CNIH3: variants seen among roughly 807,000 people sequenced by gnomAD.
The protein encoded by CNIH3 is cornichon family AMPA receptor auxiliary protein 3.
Under a neutral mutation model 24.1 loss-of-function variants are expected in CNIH3, and 14 were observed. The observed-to-expected ratio is 0.58, with a 90% CI of 0.38 to 0.91. CNIH3 has a LOEUF of 0.91. Among genes scored for constraint, CNIH3 ranks in the 40% least tolerant of loss-of-function variants. The pLI is 0.00. For missense variants in CNIH3, 178 were observed against 196.8 expected (o/e 0.90, Z 0.57); for synonymous variants, 68 against 73.8 (o/e 0.92, Z 0.40).
intron 3 of CNIH3, among the ~76,000 whole-genome samples, chr1:224,564,608 GC>G (rs1680506249): frequency 6.6e-6 from 1 of 152,208 alleles, no homozygotes; most frequent in African/African-American, 2.4e-5. Flanking sequence ...GACCAGAAGG[GC>G]TGACGATACT....
intron 3 of CNIH3, among the ~76,000 whole-genome samples, chr1:224,607,786 C>T (rs1240667333): frequency 6.6e-6 from 1 of 152,156 alleles, no homozygotes; most frequent in African/African-American, 2.4e-5. Context: ...GCTATCTATT[C>T]AGGAAGAAAA....
At chr1:224,716,727 G>A (rs1572795882) in intron 3 of CNIH3, among the ~76,000 whole-genome samples, 1 of 152,256 alleles carries the variant, frequency 6.6e-6, no homozygotes, top group East Asian at 1.9e-4. Context: ...GGGAACTGTG[G>A]GGTGAGGAGG....
chr1:224,474,459 A>G (rs1676489219), intron 1 of CNIH3, among the ~76,000 whole-genome samples: 1 of 152,082 alleles, frequency 6.6e-6, no homozygotes, highest in Non-Finnish European at 1.5e-5. Flanking sequence ...TACATCAAAA[A>G]AGGGAAGTTT....
At chr1:224,479,446 G>T (rs1222788707) in intron 1 of CNIH3, among the ~76,000 whole-genome samples, 4 of 151,298 alleles carry the variant, frequency 2.6e-5, no homozygotes, top group African/African-American at 7.3e-5. Context: ...GAGCCACTGC[G>T]CCCGGCAGTC....
intron 1 of CNIH3, among the ~76,000 whole-genome samples, chr1:224,461,979 T>C (rs1675930527): frequency 6.6e-6 from 1 of 152,172 alleles, no homozygotes; most frequent in South Asian, 2.1e-4. Context: ...TATCAGTACT[T>C]CTTTCCTTTT....
chr1:224,644,521 T>C (rs931821445), intron 1 of CNIH3, among the ~76,000 whole-genome samples: 1 of 152,192 alleles, frequency 6.6e-6, no homozygotes, highest in African/African-American at 2.4e-5. Context: ...ATGCCTGGCA[T>C]GCAGCAGGAT....
chr1:224,567,762 A>G (rs957012069), intron 4 of CNIH3, among the ~76,000 whole-genome samples: 2 of 152,166 alleles, frequency 1.3e-5, no homozygotes, highest in African/African-American at 4.8e-5. Context: ...ATAACCACCC[A>G]GGTAGAAATC....
chr1:224,680,680 G>C (rs1049425638), intron 1 of CNIH3, among the ~76,000 whole-genome samples: 1 of 152,156 alleles, frequency 6.6e-6, no homozygotes, highest in African/African-American at 2.4e-5. Context: ...ATCCAAACCT[G>C]CCCTCAGCAC....
At chr1:224,640,970 G>T (rs1684329625) in intron 1 of CNIH3, among the ~76,000 whole-genome samples, 1 of 152,238 alleles carries the variant, frequency 6.6e-6, no homozygotes, top group South Asian at 2.1e-4. Flanking sequence ...TTCTGGGAAA[G>T]AGTTGACATT....
intron 1 of CNIH3, among the ~76,000 whole-genome samples, chr1:224,452,781 CAAA>C (rs1173499027): frequency 9.0e-5 from 4 of 44,296 alleles, no homozygotes; most frequent in Admixed American, 5.8e-4. Flanking sequence ...AACTCTGTCT[CAAA>C]AAAAAAAAAA....
intron 1 of CNIH3, among the ~76,000 whole-genome samples, chr1:224,510,596 C>CAAAAAA (rs777592587): frequency 8.5e-5 from 8 of 93,970 alleles, no homozygotes; most frequent in African/African-American, 2.6e-4. Flanking sequence ...GACCCTGTCT[C>CAAAAAA]AAAAAAAAAA....
chr1:224,711,422 G>A (rs1466355702), intron 3 of CNIH3, among the ~76,000 whole-genome samples: 1 of 151,676 alleles, frequency 6.6e-6, no homozygotes, highest in African/African-American at 2.4e-5. Context: ...CTGGGCTCAA[G>A]TGATCCTCCC....
chr1:224,709,395 C>CT (rs1427337643), intron 3 of CNIH3, among the ~76,000 whole-genome samples: 4 of 152,190 alleles, frequency 2.6e-5, no homozygotes, highest in Non-Finnish European at 5.9e-5. Flanking sequence ...ACCCACCTCT[C>CT]TGAGTTTTGA....
intron 1 of CNIH3, among the ~76,000 whole-genome samples, chr1:224,650,988 T>C (rs1470679856): frequency 6.6e-6 from 1 of 152,110 alleles, no homozygotes; most frequent in East Asian, 1.9e-4. Context: ...TTCTGTGTGG[T>C]TGTTCACATG....
intron 1 of CNIH3, chr1:224,459,277 A>G (rs1675807435): frequency 2.1e-6 from 2 of 932,770 alleles, no homozygotes; most frequent in Non-Finnish European, 2.6e-6. Flanking sequence ...AACCCTGATG[A>G]CTTCACAGAG....
intron 1 of CNIH3, among the ~76,000 whole-genome samples, chr1:224,505,224 G>A (rs1336070621): frequency 2.0e-5 from 3 of 151,604 alleles, no homozygotes; most frequent in African/African-American, 7.3e-5. Context: ...GTTTGAGCCC[G>A]GGAAGTCAAG....
chr1:224,728,408 G>T (rs2060556), intron 3 of CNIH3, among the ~76,000 whole-genome samples: 2 of 152,216 alleles, frequency 1.3e-5, no homozygotes, highest in South Asian at 4.2e-4. Flanking sequence ...CCTGCCAGGT[G>T]GTTGAGATTC....
chr1:224,531,205 C>A (rs1679056534), intron 2 of CNIH3, among the ~76,000 whole-genome samples: 1 of 152,122 alleles, frequency 6.6e-6, no homozygotes, highest in South Asian at 2.1e-4. Context: ...TTAATAAATA[C>A]CTGCTGTATG....
intron 4 of CNIH3, 91 bp downstream of exon 4, chr1:224,730,665 A>G (rs1689280805): frequency 6.8e-6 from 5 of 740,522 alleles, no homozygotes; most frequent in South Asian, 1.7e-5. Context: ...GACAGCTTCT[A>G]TTGCCTTCCA....
Sources: allele counts gnomAD v4.1 joint callset (sites outside exome capture counted in the v4.1 genomes callset), GRCh38; gene constraint gnomAD v4.1.1; transcripts MANE v1.5; gene names NCBI Gene and HGNC (gene_info 2026-07-23, HGNC 2026-07-21).